The following GRIK2 variants were observed in gnomAD, a reference collection of about 807,000 sequenced individuals.
GRIK2 encodes the protein glutamate receptor ionotropic, kainate 2.
In GRIK2, 32 loss-of-function variants were observed where a neutral mutation model predicts 100.3. The ratio of observed to expected loss-of-function variants is 0.32; its 90% CI spans 0.24 to 0.43. GRIK2 has a LOEUF of 0.43. GRIK2 is among the 20% of genes least tolerant of loss of function. GRIK2 has a pLI of 1.00. For synonymous variants in GRIK2, 417 were observed against 389.4 expected (o/e 1.07, Z -0.83); for missense variants, 843 against 1,114.9 (o/e 0.76, Z 3.47).
chr6:101,988,661 G>C (rs1284996432), intron 14 of GRIK2, among the ~76,000 whole-genome samples: 1 of 151,564 alleles, frequency 6.6e-6, no homozygotes, highest in Non-Finnish European at 1.5e-5. Context: ...GGATGCCAGG[G>C]GTCTAACCAA....
At chr6:101,615,493 G>C (rs955712846) in intron 2 of GRIK2, among the ~76,000 whole-genome samples, 1 of 151,672 alleles carries the variant, frequency 6.6e-6, no homozygotes, top group African/African-American at 2.4e-5. Flanking sequence ...CAAAATTATT[G>C]ATTACTAAGA....
intron 14 of GRIK2, among the ~76,000 whole-genome samples, chr6:102,023,080 C>A (rs969996350): frequency 1.3e-5 from 2 of 150,898 alleles, no homozygotes; most frequent in African/African-American, 4.9e-5. Flanking sequence ...GGCCAAGTAA[C>A]CTGTGTCCAA....
chr6:101,964,308 T>G (rs1792521421), intron 14 of GRIK2, among the ~76,000 whole-genome samples: 1 of 152,040 alleles, frequency 6.6e-6, no homozygotes, highest in African/African-American at 2.4e-5. Context: ...TATTATTATA[T>G]TATTGTTATC....
intron 2 of GRIK2, among the ~76,000 whole-genome samples, chr6:101,572,927 C>T (rs1225752530): frequency 1.3e-5 from 2 of 151,844 alleles, no homozygotes; most frequent in African/African-American, 4.8e-5. Context: ...TGGCTCCCTG[C>T]AACCTCTGCC....
chr6:101,690,112 T>A (rs1771987169), intron 7 of GRIK2, among the ~76,000 whole-genome samples: 1 of 152,138 alleles, frequency 6.6e-6, no homozygotes, highest in South Asian at 2.1e-4. Flanking sequence ...AGAGTACATT[T>A]TAAACAGTCT....
chr6:101,652,332 A>C (rs568894323), intron 4 of GRIK2, among the ~76,000 whole-genome samples: 137 of 152,124 alleles, frequency 9.0e-4, no homozygotes, highest in Non-Finnish European at 1.4e-3. Flanking sequence ...CTCTCCTTCT[A>C]TCTGTGAGGA....
intron 7 of GRIK2, among the ~76,000 whole-genome samples, chr6:101,786,695 T>C (rs1779443104): frequency 6.6e-6 from 1 of 152,136 alleles, no homozygotes. Context: ...AGCTTGCTAC[T>C]GTTTTGTTGA....
chr6:101,812,931 A>C (rs983670983), intron 9 of GRIK2, among the ~76,000 whole-genome samples: 2 of 152,082 alleles, frequency 1.3e-5, no homozygotes, highest in Non-Finnish European at 2.9e-5. Context: ...GGAGAAATGC[A>C]TTATATTTCT....
chr6:101,992,235 G>T (rs1242523981), intron 14 of GRIK2, among the ~76,000 whole-genome samples: 2 of 151,554 alleles, frequency 1.3e-5, no homozygotes, highest in African/African-American at 4.8e-5. Context: ...CCCAAGGAAA[G>T]ACACCGTTAC....
At chr6:101,402,201 G>A (rs868387841) in intron 2 of GRIK2, among the ~76,000 whole-genome samples, 2 of 151,942 alleles carry the variant, frequency 1.3e-5, no homozygotes, top group Non-Finnish European at 2.9e-5. Flanking sequence ...TCTTCCCCGC[G>A]CTTCCCTCTC....
intron 2 of GRIK2, among the ~76,000 whole-genome samples, chr6:101,582,320 G>A (rs994269076): frequency 6.6e-6 from 1 of 152,056 alleles, no homozygotes; most frequent in African/African-American, 2.4e-5. Context: ...AGAACATGTG[G>A]TGTTTGGTTT....
Position 101,799,799 on chromosome 6 carries a change from A to G in GRIK2, c.1095+8A>G, listed in dbSNP as rs773322906. ...ATGAGTCTAATTAAAGAGGTAAGTT[A>G]GGAGAAGAACATCTGCCTTGTCTCT... On this transcript the variant is annotated splice_region_variant and intron_variant, in intron 8 of 16. Transcript: ENST00000369134. 12 of 1,609,106 alleles carry G rather than the reference A, an allele frequency of 7.5e-6. No homozygotes were observed. The highest frequency in any genetic ancestry group is 1.3e-5 in the African/African-American group (1 of 74,752).
chr6:102,022,359 A>G lies in GRIK2; in HGVS notation c.2086-12982A>G, dbSNP rs1423663548. Among the ~76,000 whole-genome samples, 5 of 151,856 alleles carry G rather than the reference A, an allele frequency of 3.3e-5. No individual in the cohort carries two copies. The East Asian group carries it at 5.8e-4, about 18-fold the overall frequency. ...TTGATAAAATTGGCTAAATACAGAC[A>G]TACACTCACAGGTACACACATACAT... On this transcript the variant is annotated intron_variant, in intron 14 of 16. Transcript: ENST00000369134.
At chr6:102,042,312 C>T (rs1770629672) in intron 15 of GRIK2, among the ~76,000 whole-genome samples, 1 of 151,596 alleles carries the variant, frequency 6.6e-6, no homozygotes, top group South Asian at 2.1e-4. Context: ...ACAAGAATTT[C>T]ATTACTCTTT....
intron 7 of GRIK2, among the ~76,000 whole-genome samples, chr6:101,750,738 G>A (rs772333897): frequency 7.2e-5 from 11 of 152,270 alleles, no homozygotes; most frequent in East Asian, 1.9e-4. Flanking sequence ...AGAAAGAGAA[G>A]GGTTGTAACT....
chr6:101,858,376 A>ATTTTTTTT (rs66505184), intron 10 of GRIK2, among the ~76,000 whole-genome samples: 1 of 125,468 alleles, frequency 8.0e-6, no homozygotes, highest in Non-Finnish European at 1.6e-5. Flanking sequence ...CTCTCTCTCT[A>ATTTTTTTT]TTTTTTTTTC....
rs1031874704 is a variant in GRIK2, at chr6:101,882,969, T to G, written c.1525-6671T>G. ...AGCAGTTATTGACTATTATTTATCA[T>G]AGCAAAAATTAAAAATCATGCACAT... On this transcript the variant is annotated intron_variant, in intron 11 of 16. Coordinates refer to ENST00000369134, the MANE Select transcript of GRIK2 (RefSeq NM_021956.5). Among the ~76,000 whole-genome samples the G allele has an allele frequency of 7.9e-5, 12 of 152,028 alleles. No homozygotes were observed. In the South Asian group the frequency reaches 2.3e-3, roughly 29 times the overall value.
intron 2 of GRIK2, among the ~76,000 whole-genome samples, chr6:101,572,292 T>C (rs965728298): frequency 6.6e-6 from 1 of 152,082 alleles, no homozygotes; most frequent in African/African-American, 2.4e-5. Context: ...ACTTTTATTT[T>C]TCTTATTTTT....
intron 14 of GRIK2, among the ~76,000 whole-genome samples, chr6:102,031,128 C>CACACACACACA (rs1562124651): frequency 4.6e-5 from 3 of 65,448 alleles, no homozygotes; most frequent in African/African-American, 8.4e-5. Context: ...CACACACACA[C>CACACACACACA]CCCCTTTGAG....
Sources: gnomAD v4.1 joint callset for allele counts (sites outside exome capture counted in the v4.1 genomes callset) on GRCh38, gnomAD v4.1.1 for gene constraint, MANE v1.5 for transcripts, NCBI Gene and HGNC (gene_info 2026-07-23, HGNC 2026-07-21) for gene names.